FMN2: variants seen among roughly 807,000 people sequenced by gnomAD.
FMN2 encodes the protein formin 2.
A neutral mutation model predicts 142.3 loss-of-function variants in FMN2; 51 were observed. That is an observed-to-expected ratio of 0.36 (90% CI 0.29 to 0.45). FMN2 has a LOEUF of 0.45. Among genes scored for constraint, FMN2 ranks in the 20% least tolerant of loss-of-function variants. FMN2 has a pLI of 1.00. For missense variants in FMN2, 1,936 were observed against 2,122.8 expected (o/e 0.91, Z 1.73); for synonymous variants, 882 against 869.8 (o/e 1.01, Z -0.25).
At chr1:240,163,264 T>A (rs1416649978) in intron 2 of FMN2, among the ~76,000 whole-genome samples, 1 of 152,224 alleles carries the variant, frequency 6.6e-6, no homozygotes, top group Non-Finnish European at 1.5e-5. Context: ...AGATCTTCCA[T>A]ATCCTTACTT....
intron 7 of FMN2, among the ~76,000 whole-genome samples, chr1:240,294,332 T>A (rs1005800357): frequency 1.1e-4 from 16 of 152,226 alleles, no homozygotes; most frequent in African/African-American, 3.9e-4. Flanking sequence ...AGATTCATCC[T>A]TTGATTATAA....
intron 4 of FMN2, among the ~76,000 whole-genome samples, chr1:240,205,267 C>T (rs987679050): frequency 6.6e-6 from 1 of 152,056 alleles, no homozygotes; most frequent in Non-Finnish European, 1.5e-5. Context: ...TTTATTCCAG[C>T]CTTTAGTGAG....
rs118067960 is a variant in FMN2, at chr1:240,175,114, C to G, written c.1783-2807C>G. 1.9e-4 allele frequency among the ~76,000 whole-genome samples: 29 copies of G among 152,290 alleles called. No homozygotes were observed. The East Asian group carries it at 5.6e-3, about 29-fold the overall frequency. ...TTTGTAGCAGGCTTATTTCATTTAGCCAAATGTCCTCCAGGTTCATCCATG... is the reference window on the plus strand; with the variant it reads ...TTTGTAGCAGGCTTATTTCATTTAGGCAAATGTCCTCCAGGTTCATCCATG... On this transcript the variant is annotated intron_variant, in intron 2 of 17. Coordinates refer to ENST00000319653, the MANE Select transcript of FMN2 (RefSeq NM_020066.5).
chr1:240,245,690 A>T, intron 6 of FMN2: 1 of 451,500 alleles, frequency 2.2e-6, no homozygotes, highest in Middle Eastern at 6.0e-4. Context: ...CTTGTAAAAG[A>T]TGAAAAGTTA....
chr1:240,296,438 C>CTTTTTTTTTTTTTTTTTTTTTT (rs772711130), intron 8 of FMN2, among the ~76,000 whole-genome samples: 1 of 46,910 alleles, frequency 2.1e-5, no homozygotes, highest in African/African-American at 9.9e-5. Flanking sequence ...TCTTTGAGTG[C>CTTTTTTTTTTTTTTTTTTTTTT]TTTTTTTTTT....
At chr1:240,317,450 A>G (rs941798069) in intron 8 of FMN2, among the ~76,000 whole-genome samples, 2 of 152,186 alleles carry the variant, frequency 1.3e-5, no homozygotes, top group African/African-American at 2.4e-5. Flanking sequence ...TTCCATCGCT[A>G]TAATTTTGTC....
chr1:240,215,002 G>A (rs1666840678), intron 6 of FMN2, among the ~76,000 whole-genome samples: 1 of 152,102 alleles, frequency 6.6e-6, no homozygotes, highest in Admixed American at 6.5e-5. Context: ...GGGAGGTTGA[G>A]GCTGCAGTGA....
intron 3 of FMN2, among the ~76,000 whole-genome samples, chr1:240,187,269 CAAAAAAAAAAAAA>C (rs10610560): frequency 2.4e-5 from 2 of 83,794 alleles, no homozygotes; most frequent in Non-Finnish European, 4.5e-5. Flanking sequence ...AACTCCATCT[CAAAAAAAAAAAAA>C]AAAAAAAAAG....
intron 14 of FMN2, among the ~76,000 whole-genome samples, chr1:240,387,106 G>C (rs1049606326): frequency 6.6e-6 from 1 of 152,090 alleles, no homozygotes; most frequent in Admixed American, 6.5e-5. Flanking sequence ...AAGAGTTACT[G>C]GTATTCTCTG....
chr1:240,098,097 A>ATTTTTTTTTTTTTTTTTTTTTTTTTTTT lies in FMN2; in HGVS notation c.1615+4394_1615+4395insTTTTTTTTTTTTTTTTTTTTTTTTTTTT, dbSNP rs35191164. 1.2e-4 allele frequency among the ~76,000 whole-genome samples: 12 copies of ATTTTTTTTTTTTTTTTTTTTTTTTTTTT among 98,668 alleles called. 1 individual carries two copies. Among genetic ancestry groups the ATTTTTTTTTTTTTTTTTTTTTTTTTTTT allele is most frequent in the Non-Finnish European group, 1.7e-4 (9 of 52,134 alleles). The allele number at this position is 98,668 out of a possible 152,430, so 64.7% of individuals were successfully genotyped here. On this transcript the variant is annotated intron_variant, in intron 1 of 17. Coordinates refer to ENST00000319653, the MANE Select transcript of FMN2 (RefSeq NM_020066.5). ...TTGGCCTTTCTAAAGGTTATCTTGA[A>ATTTTTTTTTTTTTTTTTTTTTTTTTTTT]TTTTTTTTTTTTTTTTTTTTTGGAG...
Position 240,178,006 on chromosome 1 carries a change from C to T in FMN2, c.1868C>T (p.Pro623Leu). Residue 623 changes from proline (P) to leucine (L), a missense_variant, in exon 3 of 18, where the codon CCA (proline) becomes CTA (leucine). By Grantham distance (98) the Pro-to-Leu change is moderately conservative. Around this residue, in one of 8 missense-constraint regions of FMN2, gnomAD observed 478 missense variants for 462.8 expected, o/e 1.03. Coordinates refer to ENST00000319653, the MANE Select transcript of FMN2 (RefSeq NM_020066.5). ...GAAGGGCAGTTTCCTAGGCGAGTTC[C>T]ATCCATGGGGCCACCATCCAAACCT... is the stretch of plus-strand genomic sequence containing the variant. ...YSEGQFPRRV[P>L]SMGPPSKPPD... The T allele has an allele frequency of 6.2e-7, 1 of 1,612,616 alleles. No individual in the cohort carries two copies. The highest frequency in any genetic ancestry group is 8.5e-7 in the Non-Finnish European group (1 of 1,179,456).
chr1:240,347,707 A>G (rs1671955350), intron 13 of FMN2, among the ~76,000 whole-genome samples: 1 of 152,090 alleles, frequency 6.6e-6, no homozygotes, highest in Non-Finnish European at 1.5e-5. Context: ...TCCCCACTCT[A>G]ATAGACCCCA....
chr1:240,374,450 G>A (rs992488793), intron 14 of FMN2, among the ~76,000 whole-genome samples: 16 of 152,220 alleles, frequency 1.1e-4, no homozygotes, highest in Admixed American at 4.6e-4. Flanking sequence ...CACCTTCGTC[G>A]ATTATCTTAT....
chr1:240,365,204 T>A (rs1672623636), intron 14 of FMN2, among the ~76,000 whole-genome samples: 1 of 134,766 alleles, frequency 7.4e-6, no homozygotes, highest in Non-Finnish European at 1.5e-5. Context: ...CATATGTGTG[T>A]GTATATATAT....
chr1:240,136,253 C>T (rs962182641), intron 2 of FMN2, among the ~76,000 whole-genome samples: 3 of 151,914 alleles, frequency 2.0e-5, no homozygotes, highest in African/African-American at 4.8e-5. Flanking sequence ...ATGTTTTTCC[C>T]CCGTTATGCT....
At chr1:240,196,940 AC>A (rs1665933792) in intron 4 of FMN2, among the ~76,000 whole-genome samples, 2 of 152,174 alleles carry the variant, frequency 1.3e-5, no homozygotes, top group Non-Finnish European at 2.9e-5. Flanking sequence ...TATGAAACAT[AC>A]ATTTGGTCTT....
At chr1:240,399,919 GT>G (rs1673914322) in intron 15 of FMN2, among the ~76,000 whole-genome samples, 1 of 152,164 alleles carries the variant, frequency 6.6e-6, no homozygotes, top group South Asian at 2.1e-4. Context: ...TTTAACCATT[GT>G]GCAGGTGCAC....
At chr1:240,104,025 C>T (rs954559359) in intron 1 of FMN2, among the ~76,000 whole-genome samples, 2 of 151,382 alleles carry the variant, frequency 1.3e-5, no homozygotes, top group Non-Finnish European at 2.9e-5. Flanking sequence ...TACAGGCGCC[C>T]GCCACCTCGC....
chr1:240,399,555 C>T (rs377398585), intron 15 of FMN2, among the ~76,000 whole-genome samples: 116 of 152,252 alleles, frequency 7.6e-4, no homozygotes, highest in African/African-American at 2.7e-3. Context: ...ATAGGAGCTT[C>T]CACTCTCCCA....
Sources: gnomAD v4.1 joint callset for allele counts (sites outside exome capture counted in the v4.1 genomes callset) on GRCh38, gnomAD v4.1.1 for gene constraint, gnomAD v4.1.1 regional missense constraint, MANE v1.5 for transcripts, NCBI Gene and HGNC (gene_info 2026-07-23, HGNC 2026-07-21) for gene names.